The following KIF6 variants were observed in gnomAD, a reference collection of about 807,000 sequenced individuals.
The protein encoded by KIF6 is kinesin family member 6, also known as kinesin-like protein KIF6.
A neutral mutation model predicts 112.7 loss-of-function variants in KIF6; 106 were observed. The ratio of observed to expected loss-of-function variants is 0.94; its 90% CI spans 0.80 to 1.11. The LOEUF is 1.11. Ranked by LOEUF, KIF6 falls within the 50% of genes least tolerant of loss-of-function variation. KIF6 has a pLI of 0.00. For synonymous variants in KIF6, 339 were observed against 339.9 expected (o/e 1.00, Z 0.03); for missense variants, 929 against 964.0 (o/e 0.96, Z 0.48).
At chr6:39,444,877 G>C (rs1481020957) in intron 13 of KIF6, among the ~76,000 whole-genome samples, 1 of 151,898 alleles carries the variant, frequency 6.6e-6, no homozygotes, top group Non-Finnish European at 1.5e-5. Context: ...CTGGAACGTG[G>C]ACCAAAACCC....
At chr6:39,633,260 T>C (rs190092599) in intron 5 of KIF6, among the ~76,000 whole-genome samples, 4 of 152,178 alleles carry the variant, frequency 2.6e-5, no homozygotes, top group Admixed American at 2.6e-4. Flanking sequence ...CTGAATCTAA[T>C]CGACATGGTT....
intron 17 of KIF6, among the ~76,000 whole-genome samples, chr6:39,361,281 G>T (rs185322924): frequency 1.3e-5 from 2 of 152,220 alleles, no homozygotes; most frequent in Admixed American, 1.3e-4. Context: ...GTTGGAGGCT[G>T]GGTGTGGTGG....
Position 39,500,647 on chromosome 6 carries a change from A to G in KIF6, c.1645+39356T>C, listed in dbSNP as rs183154689. On this transcript the variant is annotated intron_variant, in intron 13 of 22. Coordinates refer to ENST00000287152, the MANE Select transcript of KIF6 (RefSeq NM_145027.6). Reference sequence around the variant, plus strand: ...ATGAGGACAACAATGTTACTACTTCATAGGGTTCTATGAAGGTTAAACGGT... The same window carrying G: ...ATGAGGACAACAATGTTACTACTTCGTAGGGTTCTATGAAGGTTAAACGGT... Among the ~76,000 whole-genome samples, 300 of 152,316 alleles carry G rather than the reference A, an allele frequency of 2.0e-3. 2 individuals carry two copies. The highest frequency in any genetic ancestry group is 2.4e-3 in the Non-Finnish European group (163 of 68,030).
At chr6:39,497,044 A>G (rs1467510868) in intron 13 of KIF6, among the ~76,000 whole-genome samples, 1 of 152,260 alleles carries the variant, frequency 6.6e-6, no homozygotes, top group African/African-American at 2.4e-5. Flanking sequence ...GCTTCAGTGC[A>G]GGAGCCGTGT....
At chr6:39,419,697 T>A (rs1446809395) in intron 15 of KIF6, among the ~76,000 whole-genome samples, 1 of 152,130 alleles carries the variant, frequency 6.6e-6, no homozygotes, top group Admixed American at 6.5e-5. Context: ...AACTCTCTGA[T>A]TGGGATGCTG....
intron 2 of KIF6, 172 bp from the exon 3 acceptor site, chr6:39,714,938 T>C: frequency 1.7e-6 from 1 of 578,190 alleles, no homozygotes; most frequent in Non-Finnish European, 3.1e-6. Context: ...GCTGTTGTAC[T>C]CCTGTATACA....
At chr6:39,345,656 C>T (rs774438800) in intron 21 of KIF6, 44 bp downstream of exon 21, 1 of 1,525,334 alleles carries the variant, frequency 6.6e-7, no homozygotes, top group East Asian at 2.3e-5. Context: ...CCACTCCGCC[C>T]ACTGCAGGGG....
intron 15 of KIF6, among the ~76,000 whole-genome samples, chr6:39,412,930 C>A (rs754318769): frequency 6.6e-6 from 1 of 151,576 alleles, no homozygotes; most frequent in South Asian, 2.1e-4. Flanking sequence ...GCAGCCTCAA[C>A]CCTTCCTTAA....
chr6:39,680,823 C>T (rs1222353156), intron 3 of KIF6, among the ~76,000 whole-genome samples: 1 of 152,124 alleles, frequency 6.6e-6, no homozygotes, highest in African/African-American at 2.4e-5. Flanking sequence ...ATTTAAAACC[C>T]TTTTTGTCCC....
intron 10 of KIF6, among the ~76,000 whole-genome samples, chr6:39,574,355 A>G (rs147933833): frequency 6.6e-6 from 1 of 152,372 alleles, no homozygotes; most frequent in African/African-American, 2.4e-5. Context: ...TCCTTGAGAA[A>G]GGATCTAGGG....
intron 13 of KIF6, among the ~76,000 whole-genome samples, chr6:39,482,281 A>T (rs1189656027): frequency 6.6e-6 from 1 of 152,190 alleles, no homozygotes; most frequent in Non-Finnish European, 1.5e-5. Context: ...AACTTCACTG[A>T]TTCTACCTGG....
intron 16 of KIF6, among the ~76,000 whole-genome samples, chr6:39,383,398 A>C (rs1767139305): frequency 6.6e-6 from 1 of 152,202 alleles, no homozygotes. Flanking sequence ...TTTTCCCAGC[A>C]CCATTTATTG....
chr6:39,490,966 C>T (rs142468868), intron 13 of KIF6, among the ~76,000 whole-genome samples: 1 of 152,248 alleles, frequency 6.6e-6, no homozygotes, highest in African/African-American at 2.4e-5. Context: ...ACACTCTGCA[C>T]ATTAGGTGTG....
intron 13 of KIF6, among the ~76,000 whole-genome samples, chr6:39,472,320 T>C (rs1247130629): frequency 6.6e-6 from 1 of 152,184 alleles, no homozygotes. Context: ...AGCTCTTTTT[T>C]CTTTTCTTCT....
intron 2 of KIF6, among the ~76,000 whole-genome samples, chr6:39,716,197 AT>A (rs1380340729): frequency 6.6e-6 from 1 of 152,216 alleles, no homozygotes; most frequent in African/African-American, 2.4e-5. Flanking sequence ...TAATGATAGC[AT>A]TTTCATTTCT....
chr6:39,669,084 A>C (rs1452251204), intron 3 of KIF6, among the ~76,000 whole-genome samples: 1 of 152,196 alleles, frequency 6.6e-6, no homozygotes, highest in African/African-American at 2.4e-5. Context: ...AAAGGATAAA[A>C]TATGTTATCC....
intron 3 of KIF6, 78 bp from the exon 4 acceptor site, chr6:39,639,835 C>G: frequency 7.8e-7 from 1 of 1,281,914 alleles, no homozygotes. Flanking sequence ...ATTCTAATAA[C>G]AATCTTATTA....
intron 1 of KIF6, among the ~76,000 whole-genome samples, chr6:39,722,546 C>A (rs1790278018): frequency 6.6e-6 from 1 of 152,088 alleles, no homozygotes; most frequent in Non-Finnish European, 1.5e-5. Context: ...TTTATATATC[C>A]TTTTTATTAA....
chr6:39,502,244 A>G (rs1440995265), intron 13 of KIF6, among the ~76,000 whole-genome samples: 4 of 152,186 alleles, frequency 2.6e-5, no homozygotes, highest in Non-Finnish European at 2.9e-5. Flanking sequence ...ACTAAGCTTC[A>G]TAAGTGAAGG....
Sources: gnomAD v4.1 joint callset for allele counts (sites outside exome capture counted in the v4.1 genomes callset) on GRCh38, gnomAD v4.1.1 for gene constraint, MANE v1.5 for transcripts, NCBI Gene and HGNC (gene_info 2026-07-23, HGNC 2026-07-21) for gene names.